Variants in MAST4 observed in about 807,000 individuals in gnomAD.
MAST4 encodes microtubule-associated serine/threonine-protein kinase 4.
MAST4 carries 89 observed loss-of-function variants against 162.7 expected under a neutral mutation model. That is an observed-to-expected ratio of 0.55 (90% CI 0.46 to 0.65). The LOEUF (loss-of-function observed/expected upper bound fraction) is 0.65. Among genes scored for constraint, MAST4 ranks in the 30% least tolerant of loss-of-function variants. MAST4 has a pLI of 0.00. For synonymous variants in MAST4, 1,479 were observed against 1,361.1 expected, an observed-to-expected ratio of 1.09 and a Z score of -1.91; for missense variants, 3,153 against 3,374.0, an observed-to-expected ratio of 0.93 and a Z score of 1.62.
chr5:67,121,448 CAT>C, intron 14 of MAST4, among the ~76,000 whole-genome samples: 1 of 150,322 alleles, frequency 6.7e-6, no homozygotes, highest in South Asian at 2.1e-4. Context: ...TAAATACTAT[CAT>C]ATATAATCAT....
At chr5:67,004,548 C>G (rs897561989) in intron 4 of MAST4, 1 of 160,530 alleles carries the variant, frequency 6.2e-6, no homozygotes, top group African/African-American at 2.4e-5. Context: ...TGATAAGCAA[C>G]AGCCTCCGGA....
chr5:66,940,236 G>A (rs1004066654), intron 4 of MAST4, among the ~76,000 whole-genome samples: 1 of 152,154 alleles, frequency 6.6e-6, no homozygotes, highest in Non-Finnish European at 1.5e-5. Flanking sequence ...GTTGATGGCT[G>A]TTGATTCATC....
intron 8 of MAST4, 140 bp from the exon 9 acceptor site, chr5:67,102,396 A>AT (rs1694109156): frequency 1.0e-5 from 8 of 766,474 alleles, no homozygotes; most frequent in Non-Finnish European, 1.6e-5. Flanking sequence ...CTAATGACTG[A>AT]TTTTGTAGTT....
At chr5:66,625,522 G>A (rs943194321) in intron 1 of MAST4, among the ~76,000 whole-genome samples, 1 of 152,086 alleles carries the variant, frequency 6.6e-6, no homozygotes, top group Non-Finnish European at 1.5e-5. Context: ...AATTAAACGG[G>A]CAAAGTACCT....
intron 1 of MAST4, among the ~76,000 whole-genome samples, chr5:66,615,129 G>A (rs1743583877): frequency 6.6e-6 from 1 of 152,190 alleles, no homozygotes; most frequent in South Asian, 2.1e-4. Flanking sequence ...AATGCTGTGT[G>A]TCCTGGTGTG....
At chr5:66,603,672 G>A (rs1452132377) in intron 1 of MAST4, among the ~76,000 whole-genome samples, 2 of 152,180 alleles carry the variant, frequency 1.3e-5, no homozygotes, top group Middle Eastern at 3.2e-3. Flanking sequence ...ATTCTGTTTT[G>A]TCTCCTTGGA....
intron 4 of MAST4, among the ~76,000 whole-genome samples, chr5:66,952,747 C>T (rs755272435): frequency 3.9e-5 from 6 of 152,048 alleles, no homozygotes; most frequent in Non-Finnish European, 8.8e-5. Flanking sequence ...ACAATCGCTG[C>T]TCCCTTTGCC....
intron 5 of MAST4, among the ~76,000 whole-genome samples, chr5:67,079,240 A>C (rs968552640): frequency 9.2e-5 from 14 of 151,966 alleles, no homozygotes; most frequent in Non-Finnish European, 2.9e-5. Flanking sequence ...ATACTAAGTA[A>C]ATGATGCTAA....
intron 5 of MAST4, among the ~76,000 whole-genome samples, chr5:67,074,395 G>A (rs1198617056): frequency 6.6e-6 from 1 of 152,050 alleles, no homozygotes; most frequent in Non-Finnish European, 1.5e-5. Flanking sequence ...TATGTCAAGA[G>A]CCCTAAAAAT....
chr5:66,773,906 C>T (rs566467936), intron 2 of MAST4, among the ~76,000 whole-genome samples: 2 of 152,310 alleles, frequency 1.3e-5, no homozygotes, highest in East Asian at 3.9e-4. Flanking sequence ...AATGCTGCAC[C>T]CAATTCAGCT....
intron 1 of MAST4, among the ~76,000 whole-genome samples, chr5:66,683,877 G>A (rs1748478738): frequency 6.6e-6 from 1 of 152,106 alleles, no homozygotes; most frequent in Non-Finnish European, 1.5e-5. Context: ...TGCAGAGACT[G>A]GTATTCCCAT....
intron 5 of MAST4, among the ~76,000 whole-genome samples, chr5:67,054,878 C>T (rs766847): frequency 0.43 from 64,861 of 151,982 alleles, 14,582 homozygotes; most frequent in African/African-American, 0.55. Flanking sequence ...TTGTCTAATA[C>T]ATTGTGATGG....
chr5:66,672,926 C>G (rs1300182514), intron 1 of MAST4, among the ~76,000 whole-genome samples: 3 of 152,160 alleles, frequency 2.0e-5, no homozygotes, highest in African/African-American at 7.2e-5. Context: ...TGAGGGGTTC[C>G]CTGTCCCCCA....
chr5:66,948,646 C>T (rs564122710), intron 4 of MAST4, among the ~76,000 whole-genome samples: 18 of 152,042 alleles, frequency 1.2e-4, no homozygotes, highest in African/African-American at 7.2e-5. Flanking sequence ...TCCACTGGTG[C>T]GGCTGGAGCT....
rs1343106326 is a variant in MAST4 at position 67,130,303 on chromosome 5, G to C, written c.1839G>C (p.Gln613His). The C allele has an allele frequency of 1.2e-6, 2 of 1,613,888 alleles. No homozygotes were observed. Among genetic ancestry groups the C allele is most frequent in the Non-Finnish European group, 1.7e-6 (2 of 1,179,840 alleles). The change falls in exon 15 of 29, where the codon CAG becomes CAC. Residue 613 changes from glutamine to histidine, a missense_variant. Physicochemically the swap from Gln to His is conservative, Grantham distance 24. Around this residue, in one of 7 missense-constraint regions of MAST4, gnomAD observed 131 missense variants for 253.8 expected, o/e 0.52. Coordinates refer to ENST00000403625, the MANE Select transcript of MAST4 (RefSeq NM_001164664.2). ...ACCTCATCCTTCGAAACCAGATCCA[G>C]CAGGCCTTTGTGGAGCGGGATATCC... ...KQNLILRNQI[Q>H]QAFVERDILT...
chr5:66,710,202 G>T (rs1261366733), intron 1 of MAST4, among the ~76,000 whole-genome samples: 2 of 152,194 alleles, frequency 1.3e-5, no homozygotes, highest in Non-Finnish European at 2.9e-5. Flanking sequence ...ACTGCATTGA[G>T]ATTCATCCTG....
At chr5:66,898,038 A>G (rs1762793008) in intron 3 of MAST4, among the ~76,000 whole-genome samples, 1 of 152,208 alleles carries the variant, frequency 6.6e-6, no homozygotes, top group Non-Finnish European at 1.5e-5. Flanking sequence ...GTTGTTATTA[A>G]TGATAACACC....
intron 1 of MAST4, among the ~76,000 whole-genome samples, chr5:66,689,586 C>A (rs1181321732): frequency 6.6e-6 from 1 of 152,122 alleles, no homozygotes; most frequent in Non-Finnish European, 1.5e-5. Context: ...TTTATTTGAC[C>A]TACCTTGATC....
At chr5:66,997,625 G>A (rs1367229297) in intron 4 of MAST4, among the ~76,000 whole-genome samples, 2 of 151,716 alleles carry the variant, frequency 1.3e-5, no homozygotes, top group African/African-American at 2.4e-5. Flanking sequence ...TAGAGACGGG[G>A]TTTCGCCACG....
Sources: gnomAD v4.1 joint callset for allele counts (sites outside exome capture counted in the v4.1 genomes callset) on GRCh38, gnomAD v4.1.1 for gene constraint, gnomAD v4.1.1 regional missense constraint, MANE v1.5 for transcripts, NCBI Gene and HGNC (gene_info 2026-07-23, HGNC 2026-07-21) for gene names.